DIS3L2: variants seen among roughly 807,000 people sequenced by gnomAD.
DIS3L2 encodes DIS3 like 3'-5' exoribonuclease 2, also known as DIS3-like exonuclease 2.
Under a neutral mutation model 97.5 loss-of-function variants are expected in DIS3L2, and 34 were observed. The observed-to-expected ratio is 0.35, with a 90% CI of 0.27 to 0.46. The LOEUF is 0.46. Among genes scored for constraint, DIS3L2 ranks in the 20% least tolerant of loss-of-function variants. The probability of loss-of-function intolerance (pLI) is 1.00; values close to 1 mark genes in which losing one functional copy is unlikely to be tolerated. For synonymous variants in DIS3L2, 435 were observed against 445.2 expected (o/e 0.98, Z 0.29); for missense variants, 1,038 against 1,146.0 (o/e 0.91, Z 1.36).
intron 16 of DIS3L2, among the ~76,000 whole-genome samples, chr2:232,332,728 A>T (rs761567163): frequency 2.0e-5 from 3 of 152,156 alleles, no homozygotes; most frequent in Non-Finnish European, 2.9e-5. Flanking sequence ...GTCAGAGACG[A>T]GAAGGGCCGA....
intron 9 of DIS3L2, among the ~76,000 whole-genome samples, chr2:232,195,354 G>A (rs1327544165): frequency 1.3e-5 from 2 of 152,210 alleles, no homozygotes; most frequent in African/African-American, 4.8e-5. Context: ...TTTAATACAT[G>A]TGGAGCTGGC....
chr2:232,049,287 A>G (rs1018920083), intron 5 of DIS3L2, among the ~76,000 whole-genome samples: 1 of 152,178 alleles, frequency 6.6e-6, no homozygotes, highest in Admixed American at 6.5e-5. Context: ...TTACTAGGTC[A>G]AAAGATAAGA....
intron 1 of DIS3L2, among the ~76,000 whole-genome samples, chr2:231,998,915 G>C (rs1016085287): frequency 5.9e-5 from 9 of 152,148 alleles, no homozygotes; most frequent in African/African-American, 1.9e-4. Context: ...TATTTGGCCA[G>C]TAGCAGCCTT....
rs578171220 is a variant in DIS3L2, at chr2:232,266,913, G to C, written c.1659+3473G>C. On this transcript the variant is annotated intron_variant, in intron 13 of 20. Transcript: ENST00000325385. ...TCATGCCCTTAGGTTCAGAATAAGC[G>C]TGTAAACCACAAGTTTCACCTTTCC... Among the ~76,000 whole-genome samples, 7 of 152,282 alleles carry C rather than the reference G, an allele frequency of 4.6e-5. No homozygotes were observed. The South Asian group carries it at 8.3e-4, about 18-fold the overall frequency.
At chr2:232,208,394 G>A (rs1054854491) in intron 9 of DIS3L2, among the ~76,000 whole-genome samples, 4 of 151,054 alleles carry the variant, frequency 2.6e-5, no homozygotes, top group Non-Finnish European at 4.4e-5. Flanking sequence ...CGCTGCAACC[G>A]CCACCTCCCG....
In DIS3L2 at chr2:232,329,887, C is replaced by A. The variant is rs1303809854; in HGVS notation, c.1814C>A (p.Ala605Asp). Residue 605 changes from alanine (A) to aspartate (D), a missense_variant, in exon 15 of 21, where the codon GCC (alanine) becomes GAC (aspartate). Transcript: ENST00000325385. ...HKIHRAFPEQ[A>D]LLRRHPPPQT... ...ATCCACCGCGCCTTCCCCGAGCAGG[C>A]CCTGCTGCGCCGGCACCCCCCGCCC... 4 of 1,611,704 alleles carry A rather than the reference C, an allele frequency of 2.5e-6. No homozygotes were observed. The highest frequency in any genetic ancestry group is 2.2e-5 in the East Asian group (1 of 44,720).
chr2:232,206,082 A>G (rs977751578), intron 9 of DIS3L2, among the ~76,000 whole-genome samples: 5 of 152,234 alleles, frequency 3.3e-5, no homozygotes, highest in African/African-American at 1.2e-4. Context: ...AGGCCTGTGC[A>G]GGGCATTTCA....
intron 5 of DIS3L2, among the ~76,000 whole-genome samples, chr2:232,066,871 A>G (rs1028108240): frequency 9.9e-5 from 15 of 152,082 alleles, no homozygotes; most frequent in Admixed American, 5.2e-4. Flanking sequence ...AATTTGTTTC[A>G]TTTAGGGGAC....
At chr2:232,247,629 GGGGGGGCGGGGGGGA>G (rs1693294910) in intron 11 of DIS3L2, among the ~76,000 whole-genome samples, 3 of 65,502 alleles carry the variant, frequency 4.6e-5, no homozygotes, top group Non-Finnish European at 3.9e-5. Context: ...GGGGGGGGGG[GGGGGGGCGGGGGGGA>G]GGGTGCCAAT....
At chr2:232,333,771 G>A in intron 16 of DIS3L2, 69 bp from the exon 17 acceptor site, 3 of 1,520,910 alleles carry the variant, frequency 2.0e-6, no homozygotes, top group Non-Finnish European at 2.6e-6. Flanking sequence ...GGCTGTGGGT[G>A]GTGCCAGCCT....
intron 9 of DIS3L2, among the ~76,000 whole-genome samples, chr2:232,193,620 C>T (rs545719684): frequency 7.0e-4 from 106 of 152,152 alleles, no homozygotes; most frequent in Non-Finnish European, 1.3e-3. Context: ...TCTTTTATGT[C>T]CCCATTTCAT....
intron 5 of DIS3L2, among the ~76,000 whole-genome samples, chr2:232,036,424 C>T (rs1694951081): frequency 6.6e-6 from 1 of 152,108 alleles, no homozygotes; most frequent in Non-Finnish European, 1.5e-5. Context: ...TTCCTCTAAC[C>T]TTTTATCAAT....
chr2:232,145,396 C>T (rs1379396926), intron 8 of DIS3L2, among the ~76,000 whole-genome samples: 2 of 152,150 alleles, frequency 1.3e-5, no homozygotes, highest in African/African-American at 4.8e-5. Context: ...TTATTCATTT[C>T]AGTACTTGAG....
chr2:232,225,078 A>C (rs1178469015), intron 10 of DIS3L2, among the ~76,000 whole-genome samples: 1 of 152,184 alleles, frequency 6.6e-6, no homozygotes, highest in Non-Finnish European at 1.5e-5. Flanking sequence ...CAATAGCTAA[A>C]AGTTTTTAAA....
intron 13 of DIS3L2, chr2:232,343,024 G>C: frequency 4.4e-6 from 1 of 229,002 alleles, no homozygotes; most frequent in Non-Finnish European, 8.6e-6. Context: ...GCAGGTTAAA[G>C]ATTTGAGAGG....
intron 3 of DIS3L2, among the ~76,000 whole-genome samples, chr2:232,017,563 G>A (rs1559544785): frequency 6.6e-6 from 1 of 152,058 alleles, no homozygotes; most frequent in Non-Finnish European, 1.5e-5. Flanking sequence ...TAAGTTTCTT[G>A]GCCCTTCTCT....
intron 10 of DIS3L2, among the ~76,000 whole-genome samples, chr2:232,224,550 A>C (rs1439582527): frequency 1.3e-5 from 2 of 152,192 alleles, no homozygotes; most frequent in Admixed American, 1.3e-4. Context: ...CATCATTAAG[A>C]TTGTTGAAAA....
At position 232,280,629 on chromosome 2, in the gene DIS3L2, G is replaced by T. The variant is rs535730091; in HGVS notation, c.1659+17189G>T. ...CTCAGAACAGCTGGAGTGTAATGTGGTGGGAAGAAAGCCTGGTGTGGGTGA... is the reference window on the plus strand; with the variant it reads ...CTCAGAACAGCTGGAGTGTAATGTGTTGGGAAGAAAGCCTGGTGTGGGTGA... On this transcript the variant is annotated intron_variant, in intron 13 of 20. Transcript: ENST00000325385. Among the ~76,000 whole-genome samples, 3 of 152,346 alleles carry T rather than the reference G, an allele frequency of 2.0e-5. No homozygotes were observed. The East Asian group carries it at 5.8e-4, about 29-fold the overall frequency.
At chr2:232,005,690 A>C (rs1371773831) in intron 1 of DIS3L2, among the ~76,000 whole-genome samples, 1 of 151,886 alleles carries the variant, frequency 6.6e-6, no homozygotes, top group East Asian at 1.9e-4. Flanking sequence ...GTTGTTTCTG[A>C]TTTTTTTCCA....
Sources: gnomAD v4.1 joint callset for allele counts (sites outside exome capture counted in the v4.1 genomes callset) on GRCh38, gnomAD v4.1.1 for gene constraint, MANE v1.5 for transcripts, NCBI Gene and HGNC (gene_info 2026-07-23, HGNC 2026-07-21) for gene names.